Variants in YIF1B observed in about 807,000 individuals in gnomAD.
YIF1B encodes protein YIF1B.
Under a neutral mutation model 34.6 loss-of-function variants are expected in YIF1B, and 24 were observed. That is an observed-to-expected ratio of 0.69 (90% confidence interval 0.50 to 0.98). YIF1B has a LOEUF of 0.98. Among genes scored for constraint, YIF1B ranks in the 50% least tolerant of loss-of-function variants. YIF1B has a pLI of 0.00. For missense variants in YIF1B, 368 were observed against 429.4 expected (o/e 0.86, Z 1.26); for synonymous variants, 186 against 184.8 (o/e 1.01, Z -0.05).
chr19:38,308,247 G>A (rs1470005044), intron 5 of YIF1B, among the ~76,000 whole-genome samples: 3 of 152,176 alleles, frequency 2.0e-5, no homozygotes, highest in African/African-American at 7.2e-5. Context: ...GGATGTGCAG[G>A]TACTCGGCAG....
chr19:38,305,121 C>A lies in YIF1B; in HGVS notation c.*231G>T. ...CAAGGAGAGGCTGTCCACGCCATGC[C>A]CATCAGGGTTTATTGTTTCTGTAAC... is the stretch of plus-strand genomic sequence containing the variant. On this transcript the variant is annotated 3_prime_UTR_variant, in exon 8 of 8. Coordinates refer to ENST00000339413, the MANE Select transcript of YIF1B (RefSeq NM_001039672.3). The A allele has an allele frequency of 6.9e-7, 1 of 1,439,236 alleles. No individual in the cohort carries two copies. The highest frequency in any genetic ancestry group is 9.3e-7 in the Non-Finnish European group (1 of 1,080,876). 89.2% of individuals were successfully genotyped at this position (1,439,236 alleles called of 1,614,324 possible).
chr19:38,311,242 G>A (rs2083178949), intron 1 of YIF1B, among the ~76,000 whole-genome samples: 1 of 151,156 alleles, frequency 6.6e-6, no homozygotes, highest in African/African-American at 2.4e-5. Context: ...AGCCGAGACT[G>A]CACCACTGCA....
chr19:38,305,207 G>GGGGCGGGGCT lies in YIF1B; in HGVS notation c.*135_*144dup. ...GGAGATCTCTCAGCACCTTGGGTTG[G>GGGGCGGGGCT]GGGCGGGGCTGGGCGGGACATGGGA... On this transcript the variant is annotated 3_prime_UTR_variant, in exon 8 of 8. Transcript: ENST00000339413. 7.1e-7 allele frequency: 1 copy of GGGGCGGGGCT among 1,416,090 alleles called. No homozygotes were observed. Among genetic ancestry groups the GGGGCGGGGCT allele is most frequent in the Non-Finnish European group, 9.3e-7 (1 of 1,072,488 alleles). The allele number at this position is 1,416,090 out of a possible 1,614,324, so 87.7% of individuals were successfully genotyped here.
chr19:38,307,449 G>GCAGCACCAGCC lies in YIF1B; in HGVS notation c.757_767dup (p.Cys256TrpfsTer6). ...TCACCATGAACACAAAGATGGCTAC[G>GCAGCACCAGCC]CAGCACCAGCCCAGCACCAGGTAGT... On this transcript the variant is annotated frameshift_variant, in exon 7 of 8. Transcript: ENST00000339413. LOFTEE classifies it high-confidence loss of function. 1 of 1,613,670 alleles carries GCAGCACCAGCC rather than the reference G, an allele frequency of 6.2e-7. No individual in the cohort carries two copies. Among genetic ancestry groups the GCAGCACCAGCC allele is most frequent in the Non-Finnish European group, 8.5e-7 (1 of 1,179,938 alleles).
rs768414469 is a variant in YIF1B at position 38,309,207 on chromosome 19, C to T, written c.402+17G>A. The T allele has an allele frequency of 1.2e-5, 19 of 1,613,056 alleles. No homozygotes were observed. The highest frequency in any genetic ancestry group is 6.7e-5 in the Admixed American group (4 of 59,960). Reference sequence around the variant, plus strand: ...CACAGGCCCACTGCAGACCCACATTCCCCTGGGGGTGCTGACCTGGTGTAG... The same window carrying T: ...CACAGGCCCACTGCAGACCCACATTTCCCTGGGGGTGCTGACCTGGTGTAG... On this transcript the variant is annotated intron_variant, in intron 3 of 7. Transcript: ENST00000339413.
At position 38,304,499 on chromosome 19, in the gene YIF1B, C is replaced by A; in HGVS notation, c.*853G>T. On this transcript the variant is annotated 3_prime_UTR_variant, in exon 8 of 8. Transcript: ENST00000339413. ...CAGGTCCGGGTCCAAAGGTAAGTCGCCTCATCACCGGCTGCGGAGGGGCGG... is the reference window on the plus strand; with the variant it reads ...CAGGTCCGGGTCCAAAGGTAAGTCGACTCATCACCGGCTGCGGAGGGGCGG... The A allele has an allele frequency of 6.4e-7, 1 of 1,558,716 alleles. No individual in the cohort carries two copies. Among genetic ancestry groups the A allele is most frequent in the Non-Finnish European group, 8.7e-7 (1 of 1,151,476 alleles).
At chr19:38,314,107 C>T (rs557467691) in intron 1 of YIF1B, among the ~76,000 whole-genome samples, 1 of 152,156 alleles carries the variant, frequency 6.6e-6, no homozygotes, top group South Asian at 2.1e-4. Context: ...CTCACTGCAA[C>T]CTCCGCATCC....
At chr19:38,315,619 G>A in intron 1 of YIF1B, 1 of 1,537,310 alleles carries the variant, frequency 6.5e-7, no homozygotes, top group South Asian at 1.2e-5. Context: ...GCAAATGAAT[G>A]AAAGTTGCAT....
upstream of YIF1B, chr19:38,320,346 G>A: frequency 3.3e-6 from 5 of 1,507,176 alleles, no homozygotes; most frequent in Non-Finnish European, 4.5e-6. Context: ...GGGGACCCCG[G>A]GGCCCTCACG....
intron 1 of YIF1B, among the ~76,000 whole-genome samples, chr19:38,312,105 AAAAAC>A (rs766418186): frequency 6.6e-6 from 1 of 151,778 alleles, no homozygotes; most frequent in South Asian, 2.1e-4. Context: ...TCCATCTCAA[AAAAAC>A]AAAACAAAAC....
Position 38,305,090 on chromosome 19 carries a change from C to T in YIF1B, c.*262G>A. 6.7e-7 allele frequency: 1 copy of T among 1,493,036 alleles called. No individual in the cohort carries two copies. The highest frequency in any genetic ancestry group is 9.0e-7 in the Non-Finnish European group (1 of 1,116,108). The allele number at this position is 1,493,036 out of a possible 1,614,324, so 92.5% of individuals were successfully genotyped here. A position where few individuals can be genotyped will look rare whatever the true frequency, so the allele number is the denominator to read the frequency against. On this transcript the variant is annotated 3_prime_UTR_variant, in exon 8 of 8. Coordinates refer to ENST00000339413, the MANE Select transcript of YIF1B (RefSeq NM_001039672.3). ...AGCGCTGGGCCCGCCCATTCGTGCG[C>T]GAGGCCAAGGAGAGGCTGTCCACGC... is the stretch of plus-strand genomic sequence containing the variant.
At position 38,305,215 on chromosome 19, in the gene YIF1B, G is replaced by T; in HGVS notation, c.*137C>A. 7.0e-7 allele frequency: 1 copy of T among 1,429,416 alleles called. No homozygotes were observed. The highest frequency in any genetic ancestry group is 1.4e-5 in the African/African-American group (1 of 70,276). 88.5% of individuals were successfully genotyped at this position (1,429,416 alleles called of 1,614,324 possible). A position where few individuals can be genotyped will look rare whatever the true frequency, so the allele number is the denominator to read the frequency against. On this transcript the variant is annotated 3_prime_UTR_variant, in exon 8 of 8. Transcript: ENST00000339413. The stretch of plus-strand genomic sequence containing the variant: ...CTCAGCACCTTGGGTTGGGGGCGGG[G>T]CTGGGCGGGACATGGGATGGAGGCG...
At chr19:38,315,461 A>G (rs958801953) in intron 1 of YIF1B, 1 of 1,365,694 alleles carries the variant, frequency 7.3e-7, no homozygotes. Context: ...CCAACAGCAC[A>G]ATACAGGTTC....
At position 38,307,408 on chromosome 19, in the gene YIF1B, C is replaced by T. The variant is rs369330307; in HGVS notation, c.789+20G>A. 6.2e-6 allele frequency: 10 copies of T among 1,612,804 alleles called. No individual in the cohort carries two copies. The highest frequency in any genetic ancestry group is 1.6e-4 in the Middle Eastern group (1 of 6,082). Reference sequence around the variant, plus strand: ...CGGGGCACCTGTGCCTCAGCCTCACCAGCCCCGAGCCCAGCTCACCATGAA... The same window carrying T: ...CGGGGCACCTGTGCCTCAGCCTCACTAGCCCCGAGCCCAGCTCACCATGAA... On this transcript the variant is annotated intron_variant, in intron 7 of 7. Coordinates refer to ENST00000339413, the MANE Select transcript of YIF1B (RefSeq NM_001039672.3).
At chr19:38,317,233 C>T (rs572830499), upstream of YIF1B, 1 of 152,384 alleles carries the variant, frequency 6.6e-6, no homozygotes, top group South Asian at 2.1e-4. Flanking sequence ...CTCTCCCTCT[C>T]AGACTCCCCG....
In YIF1B at chr19:38,315,904, C is replaced by T; in HGVS notation, c.14G>A (p.Gly5Asp). The T allele has an allele frequency of 6.8e-7, 1 of 1,480,520 alleles. No individual in the cohort carries two copies. The highest frequency in any genetic ancestry group is 8.9e-7 in the Non-Finnish European group (1 of 1,124,076). 91.7% of individuals were successfully genotyped at this position (1,480,520 alleles called of 1,614,324 possible). ...CGTCCCCGCAGCCGCCGCCGCCAAG[C>T]CTGCCGGGTGCATCCTTCGCCGCCG... MHPA[G>D]LAAAAAGTPR... The change falls in exon 1 of 8, where the codon GGC (glycine) becomes GAC (aspartate). Residue 5 changes from glycine (G) to aspartate (D), a missense_variant. Around this residue, in one of 3 missense-constraint regions of YIF1B, gnomAD observed 153 missense variants for 156.7 expected, o/e 0.98. Coordinates refer to ENST00000339413, the MANE Select transcript of YIF1B (RefSeq NM_001039672.3).
chr19:38,311,443 T>G (rs1012863555), intron 1 of YIF1B, among the ~76,000 whole-genome samples: 12 of 152,138 alleles, frequency 7.9e-5, no homozygotes, highest in African/African-American at 2.7e-4. Flanking sequence ...TGATAAATAT[T>G]ACAATAATCC....
chr19:38,307,625 C>T lies in YIF1B; in HGVS notation c.667G>A (p.Val223Met). The T allele has an allele frequency of 6.2e-7, 1 of 1,613,830 alleles. No homozygotes were observed. Among genetic ancestry groups the T allele is most frequent in the Non-Finnish European group, 8.5e-7 (1 of 1,179,996 alleles). The change falls in exon 6 of 8, where the codon GTG becomes ATG. Residue 223 changes from valine to methionine, a missense_variant. This residue lies in a region of YIF1B where 208 missense variants were observed against 247.8 expected (regional missense o/e 0.84). Transcript: ENST00000339413. Reference sequence around the variant, plus strand: ...ACATATTTGTAGCCCAAGAAGGCCACCAGGTCGATGGTGGTGAGGTCGGTG... The same window carrying T: ...ACATATTTGTAGCCCAAGAAGGCCATCAGGTCGATGGTGGTGAGGTCGGTG... ...VNTDLTTIDL[V>M]AFLGYKYVGM...
intron 1 of YIF1B, chr19:38,315,493 C>T: frequency 1.4e-6 from 2 of 1,403,686 alleles, no homozygotes; most frequent in Non-Finnish European, 1.8e-6. Flanking sequence ...GAGCGGTAGG[C>T]ATGGCCCTCT....
Sources: gnomAD v4.1 joint callset for allele counts (sites outside exome capture counted in the v4.1 genomes callset) on GRCh38, gnomAD v4.1.1 for gene constraint, gnomAD v4.1.1 regional missense constraint, MANE v1.5 for transcripts, NCBI Gene and HGNC (gene_info 2026-07-23, HGNC 2026-07-21) for gene names.